ZNF16: variants seen among roughly 807,000 people sequenced by gnomAD.
The protein encoded by ZNF16 is zinc finger protein 16.
In ZNF16, 7 loss-of-function variants were observed where a neutral mutation model predicts 9.0. The observed-to-expected ratio is 0.78, with a 90% CI of 0.44 to 1.47. ZNF16 has a LOEUF of 1.47. Among genes scored for constraint, ZNF16 ranks in the 40% most tolerant of loss-of-function variants. The probability of loss-of-function intolerance (pLI) is 0.01; values close to 1 mark genes in which losing one functional copy is unlikely to be tolerated. For synonymous variants in ZNF16, 312 were observed against 301.5 expected, an observed-to-expected ratio of 1.03 and a Z score of -0.36; for missense variants, 830 against 854.2, an observed-to-expected ratio of 0.97 and a Z score of 0.35.
At chr8:144,944,778 G>A (rs1833888400) in intron 2 of ZNF16, 1 of 152,186 alleles carries the variant, frequency 6.6e-6, no homozygotes, top group African/African-American at 2.4e-5. Context: ...AGAGTCACAT[G>A]TTCATTTAGT....
At chr8:144,949,990 C>T (rs369654636) in intron 1 of ZNF16, among the ~76,000 whole-genome samples, 32 of 152,268 alleles carry the variant, frequency 2.1e-4, no homozygotes, top group South Asian at 6.2e-4. Context: ...GTATAAAACC[C>T]GATTGTACAT....
At chr8:144,945,931 CT>C in intron 2 of ZNF16, 79 bp downstream of exon 2, 4 of 1,566,662 alleles carry the variant, frequency 2.6e-6, no homozygotes, top group Non-Finnish European at 3.5e-6. Context: ...ACACAGATGC[CT>C]CCTAGGGGTA....
intron 1 of ZNF16, among the ~76,000 whole-genome samples, chr8:144,949,892 G>A (rs1586963797): frequency 2.0e-5 from 3 of 152,192 alleles, no homozygotes; most frequent in South Asian, 4.1e-4. Context: ...TCTGTGTTGA[G>A]GTGGATTGGT....
At chr8:144,945,909 C>T in intron 2 of ZNF16, 102 bp downstream of exon 2, 1 of 1,518,276 alleles carries the variant, frequency 6.6e-7, no homozygotes, top group Non-Finnish European at 8.9e-7. Context: ...GTCACCCTCC[C>T]TACCTGTGAT....
chr8:144,944,022 C>G (rs1448934887), intron 2 of ZNF16: 2 of 149,942 alleles, frequency 1.3e-5, no homozygotes, highest in Admixed American at 1.3e-4. Flanking sequence ...TTTGTTCACA[C>G]ATCATTTTCC....
At chr8:144,945,655 G>T (rs1833907631) in intron 2 of ZNF16, 1 of 185,070 alleles carries the variant, frequency 5.4e-6, no homozygotes, top group Non-Finnish European at 1.1e-5. Context: ...CAACTGTATG[G>T]GTAACCACAG....
chr8:144,932,254 T>C lies in ZNF16; in HGVS notation c.533A>G (p.Glu178Gly). ...ACCCATGTCATATGGATGTGGCCTC[T>C]CTTCTGTAGGGATTTCCTGACATGC... The part of the protein sequence containing the change: ...LMACQEIPTE[E>G]RPHPYDMGGQ... The change falls in exon 3 of 3, where the codon GAG (glutamate) becomes GGG (glycine). Residue 178 changes from glutamate to glycine, a missense_variant. Transcript: ENST00000394909. This position sits in a 1 kb window ranked among gnomAD's most constrained non-coding sequence, Gnocchi z 5.0. 6.2e-7 allele frequency: 1 copy of C among 1,614,210 alleles called. No homozygotes were observed. The highest frequency in any genetic ancestry group is 8.5e-7 in the Non-Finnish European group (1 of 1,180,048).
At chr8:144,946,544 A>ACC (rs1833935970) in intron 1 of ZNF16, among the ~76,000 whole-genome samples, 1 of 110,000 alleles carries the variant, frequency 9.1e-6, no homozygotes, top group Admixed American at 8.6e-5. Flanking sequence ...GGGCCTGTGT[A>ACC]CTGCTGTGGG....
intron 1 of ZNF16, among the ~76,000 whole-genome samples, chr8:144,950,066 G>A (rs894311042): frequency 6.6e-6 from 1 of 152,242 alleles, no homozygotes; most frequent in Admixed American, 6.5e-5. Flanking sequence ...TGGCAGCAAT[G>A]CTGCCTTGTT....
chr8:144,931,216 T>C lies in ZNF16; in HGVS notation c.1571A>G (p.Lys524Arg), dbSNP rs1833524578. ...DKPYACHECGKTFGRSSNLIL... is the reference protein window; with the variant it reads ...DKPYACHECGRTFGRSSNLIL... ...GAGGTTGGAGCTGCGACCAAAGGTC[T>C]TCCCACACTCGTGGCAGGCGTAGGG... Residue 524 changes from lysine to arginine, a missense_variant, in exon 3 of 3, where the codon AAG becomes AGG. Physicochemically the swap from Lys to Arg is conservative, Grantham distance 26 (BLOSUM62 2). Transcript: ENST00000394909. The C allele has an allele frequency of 9.3e-6, 15 of 1,613,978 alleles. No homozygotes were observed. Among genetic ancestry groups the C allele is most frequent in the Non-Finnish European group, 1.3e-5 (15 of 1,179,982 alleles).
chr8:144,942,229 C>G (rs1457673379), intron 2 of ZNF16, among the ~76,000 whole-genome samples: 3 of 150,726 alleles, frequency 2.0e-5, no homozygotes, highest in African/African-American at 7.3e-5. Flanking sequence ...CTGCCCGCCT[C>G]GGCCTCCCAA....
chr8:144,949,282 C>A (rs756872441), intron 1 of ZNF16, among the ~76,000 whole-genome samples: 23 of 152,242 alleles, frequency 1.5e-4, no homozygotes, highest in Non-Finnish European at 2.9e-4. Context: ...AGAGCGACTC[C>A]ACTACTGACT....
At chr8:144,943,709 A>G (rs999763754) in intron 2 of ZNF16, among the ~76,000 whole-genome samples, 4 of 150,932 alleles carry the variant, frequency 2.7e-5, no homozygotes, top group Non-Finnish European at 4.4e-5. Flanking sequence ...TAGTAGAGAC[A>G]GGGTTTCACC....
In ZNF16 at chr8:144,937,827, TA is replaced by T. The variant is rs1462299568; in HGVS notation, c.197-5238del. Among the ~76,000 whole-genome samples the T allele has an allele frequency of 8.5e-4, 77 of 90,494 alleles. 2 individuals are homozygous for T. In the East Asian group the frequency reaches 0.016, roughly 19 times the overall value. The allele number at this position is 90,494 out of a possible 152,430, so 59.4% of individuals were successfully genotyped here. ...TGGAGTAGGCACCAACACAACTGGC[TA>T]TTTTTTTTTTGTATTTTTTTGTAGA... On this transcript the variant is annotated intron_variant, in intron 2 of 2. Transcript: ENST00000394909.
Position 144,931,200 on chromosome 8 carries a change from G to A in ZNF16, c.1587C>T (p.Ser529=). 2 of 1,613,486 alleles carry A rather than the reference G, an allele frequency of 1.2e-6. No homozygotes were observed. Among genetic ancestry groups the A allele is most frequent in the Non-Finnish European group, 1.7e-6 (2 of 1,179,842 alleles). Residue 529 remains serine, a synonymous_variant, in exon 3 of 3, where the codon AGC becomes AGT. Coordinates refer to ENST00000394909, the MANE Select transcript of ZNF16 (RefSeq NM_006958.3). ...CTCGCTGGTGAAGGATGAGGTTGGA[G>A]CTGCGACCAAAGGTCTTCCCACACT... ...CHECGKTFGR[S]SNLILHQRVH...
At chr8:144,949,363 C>G (rs1834036211) in intron 1 of ZNF16, among the ~76,000 whole-genome samples, 1 of 152,248 alleles carries the variant, frequency 6.6e-6, no homozygotes, top group South Asian at 2.1e-4. Context: ...CAGTGCATCT[C>G]TGACTTCTCA....
At position 144,930,410 on chromosome 8, in the gene ZNF16, T is replaced by G. The variant is rs1180775582; in HGVS notation, c.*328A>C. On this transcript the variant is annotated 3_prime_UTR_variant, in exon 3 of 3. Coordinates refer to ENST00000394909, the MANE Select transcript of ZNF16 (RefSeq NM_006958.3). ...ATCTCAAACCAAACGTCACTTTACTTTTTTGGTAACTTTTCATTATAATAA... is the reference window on the plus strand; with the variant it reads ...ATCTCAAACCAAACGTCACTTTACTGTTTTGGTAACTTTTCATTATAATAA... 3 of 250,558 alleles carry G rather than the reference T, an allele frequency of 1.2e-5. No individual in the cohort carries two copies. The highest frequency in any genetic ancestry group is 4.9e-5 in the Admixed American group (1 of 20,546). The allele number at this position is 250,558 out of a possible 1,614,324, so 15.5% of individuals were successfully genotyped here.
Position 144,932,717 on chromosome 8 carries a change from G to C in ZNF16, c.197-127C>G, listed in dbSNP as rs995329288. 1 of 950,678 alleles carries C rather than the reference G, an allele frequency of 1.1e-6. No homozygotes were observed. The highest frequency in any genetic ancestry group is 1.6e-6 in the Non-Finnish European group (1 of 640,560). The allele number at this position is 950,678 out of a possible 1,614,324, so 58.9% of individuals were successfully genotyped here. Reference sequence around the variant, plus strand: ...GAGCAGGGGATCCTCTGGGGTGGCAGTCCAGATCAGAGGGCATCAGGGAGG... The same window carrying C: ...GAGCAGGGGATCCTCTGGGGTGGCACTCCAGATCAGAGGGCATCAGGGAGG... On this transcript the variant is annotated intron_variant, in intron 2 of 2. Coordinates refer to ENST00000394909, the MANE Select transcript of ZNF16 (RefSeq NM_006958.3). This position sits in a 1 kb window ranked among gnomAD's most constrained non-coding sequence, Gnocchi z 5.0.
rs199938073 is a variant in ZNF16 at position 144,931,155 on chromosome 8, G to A, written c.1632C>T (p.Pro544=). The A allele has an allele frequency of 1.9e-6, 3 of 1,614,050 alleles. No individual in the cohort carries two copies. Among genetic ancestry groups the A allele is most frequent in the Non-Finnish European group, 2.5e-6 (3 of 1,180,032 alleles). The change falls in exon 3 of 3, where the codon CCC becomes CCT. Residue 544 remains proline (P), a synonymous_variant. Coordinates refer to ENST00000394909, the MANE Select transcript of ZNF16 (RefSeq NM_006958.3). ...TTTTTCCACATTCAGTACATTCATA[G>A]GGCTTCTCTCCAGTGTGGACTCGCT... The part of the protein sequence containing the change: ...LHQRVHTGEK[P]YECTECGKTF...
Sources: gnomAD v4.1 joint callset for allele counts (sites outside exome capture counted in the v4.1 genomes callset) on GRCh38, gnomAD v4.1.1 for gene constraint, Gnocchi (gnomAD v3.1) non-coding constraint, MANE v1.5 for transcripts, NCBI Gene and HGNC (gene_info 2026-07-23, HGNC 2026-07-21) for gene names.